NUP188: variants seen among roughly 807,000 people sequenced by gnomAD.
The protein encoded by NUP188 is nucleoporin 188.
NUP188 carries 97 observed loss-of-function variants against 223.0 expected under a neutral mutation model. The ratio of observed to expected loss-of-function variants is 0.43; its 90% confidence interval spans 0.37 to 0.51. NUP188 has a LOEUF of 0.51. Ranked by LOEUF, NUP188 falls within the 20% of genes least tolerant of loss-of-function variation. The pLI is 0.00. For synonymous variants in NUP188, 869 were observed against 828.0 expected (o/e 1.05, Z -0.85); for missense variants, 1,947 against 2,175.6 (o/e 0.89, Z 2.09).
chr9:129,001,309 T>G (rs1842661273), intron 34 of NUP188, among the ~76,000 whole-genome samples: 1 of 151,956 alleles, frequency 6.6e-6, no homozygotes, highest in Admixed American at 6.6e-5. Flanking sequence ...CTGGTCAGTT[T>G]AGGGTTGCTC....
chr9:128,966,762 G>T (rs1352323744), intron 8 of NUP188, among the ~76,000 whole-genome samples: 1 of 152,134 alleles, frequency 6.6e-6, no homozygotes, highest in African/African-American at 2.4e-5. Flanking sequence ...CTTTCTTGGT[G>T]ATTGTACCTG....
At chr9:129,003,099 T>G in intron 37 of NUP188, 124 bp downstream of exon 37, 1 of 1,185,424 alleles carries the variant, frequency 8.4e-7, no homozygotes, top group East Asian at 2.5e-5. Flanking sequence ...GCCTTCATTT[T>G]TGAGATGCTC....
intron 13 of NUP188, 46 bp from the exon 14 acceptor site, chr9:128,980,560 T>C: frequency 6.4e-7 from 1 of 1,570,184 alleles, no homozygotes; most frequent in Non-Finnish European, 8.7e-7. Flanking sequence ...GAGATGTTAA[T>C]TTGTGGATAA....
intron 9 of NUP188, 47 bp downstream of exon 9, chr9:128,968,764 T>C: frequency 7.0e-7 from 1 of 1,425,408 alleles, no homozygotes; most frequent in Non-Finnish European, 9.9e-7. Context: ...GTTTAGAGCA[T>C]TGATACTATA....
intron 12 of NUP188, among the ~76,000 whole-genome samples, chr9:128,974,016 T>C (rs1842137923): frequency 6.6e-6 from 1 of 152,144 alleles, no homozygotes; most frequent in Admixed American, 6.5e-5. Flanking sequence ...GTTCAAGCGA[T>C]TCTTCTGCCT....
chr9:128,957,165 C>A, intron 5 of NUP188, 133 bp downstream of exon 5: 1 of 581,586 alleles, frequency 1.7e-6, no homozygotes, highest in Non-Finnish European at 3.0e-6. Context: ...CAGGGAAGAC[C>A]TACTAAAGGC....
intron 40 of NUP188, 44 bp downstream of exon 40, chr9:129,005,574 T>G: frequency 1.2e-6 from 2 of 1,611,168 alleles, no homozygotes; most frequent in Non-Finnish European, 1.7e-6. Context: ...CTAAAGGCTC[T>G]GCTCTGCTGT....
At chr9:128,987,194 G>C (rs1391797356) in intron 22 of NUP188, among the ~76,000 whole-genome samples, 1 of 150,520 alleles carries the variant, frequency 6.6e-6, no homozygotes, top group African/African-American at 2.4e-5. Context: ...GTTCATTCCT[G>C]ACGAGACACT....
intron 5 of NUP188, 41 bp downstream of exon 5, chr9:128,957,073 T>C (rs1841881789): frequency 8.3e-6 from 11 of 1,332,956 alleles, no homozygotes; most frequent in Admixed American, 8.2e-5. Context: ...GCCTTTATCC[T>C]TTTTCCCTGT....
At chr9:128,960,859 C>T (rs1448746669) in intron 8 of NUP188, among the ~76,000 whole-genome samples, 3 of 151,906 alleles carry the variant, frequency 2.0e-5, no homozygotes, top group Admixed American at 6.6e-5. Context: ...CCAAGGTGGG[C>T]GGATCGCTTG....
At chr9:128,987,080 AGAGAGAGAGTGTGTGTGTGTGTGT>A (rs1564561214) in intron 22 of NUP188, among the ~76,000 whole-genome samples, 1 of 132,298 alleles carries the variant, frequency 7.6e-6, no homozygotes, top group Admixed American at 7.5e-5. Context: ...AGAGAGAGAG[AGAGAGAGAGTGTGTGTGTGTGTGT>A]GTGTGTGTGT....
Position 128,982,547 on chromosome 9 carries a change from AG to A in NUP188, c.1520del. On this transcript the variant is annotated splice_acceptor_variant, in intron 15 of 43. Coordinates refer to ENST00000372577, the MANE Select transcript of NUP188 (RefSeq NM_015354.3). LOFTEE classifies it high-confidence loss of function. ...TTAGACTAATTTATCTTTCTCTCTC[AG>A]GGGGTCAAACCAACCTTCGCATACC... 1 of 1,608,102 alleles carries A rather than the reference AG, an allele frequency of 6.2e-7. No individual in the cohort carries two copies. Among genetic ancestry groups the A allele is most frequent in the Non-Finnish European group, 8.5e-7 (1 of 1,177,974 alleles).
At chr9:128,998,435 T>A in intron 31 of NUP188, 103 bp from the exon 32 acceptor site, 1 of 1,122,774 alleles carries the variant, frequency 8.9e-7, no homozygotes, top group Non-Finnish European at 1.4e-6. Flanking sequence ...TCCACTCCTG[T>A]GAGCTCACTG....
Position 128,998,638 on chromosome 9 carries a change from G to A in NUP188, c.3515+15G>A, listed in dbSNP as rs1564566198. The A allele has an allele frequency of 4.4e-6, 7 of 1,607,560 alleles. No homozygotes were observed. In the African/African-American group the frequency reaches 6.7e-5, roughly 15 times the overall value. The stretch of plus-strand genomic sequence containing the variant: ...CAGTGGAAGAGGTGAGGCTGTGCCA[G>A]GAGAGGCAAGCCCGAGGCCAGAGCC... On this transcript the variant is annotated intron_variant, in intron 32 of 43. Transcript: ENST00000372577.
At chr9:128,966,399 C>T (rs1842031599) in intron 8 of NUP188, among the ~76,000 whole-genome samples, 2 of 150,518 alleles carry the variant, frequency 1.3e-5, no homozygotes, top group African/African-American at 2.4e-5. Context: ...TTTTTTGAGA[C>T]AGGTTCTTTC....
At chr9:128,977,892 T>A (rs1277509729) in intron 12 of NUP188, among the ~76,000 whole-genome samples, 1 of 152,198 alleles carries the variant, frequency 6.6e-6, no homozygotes, top group Non-Finnish European at 1.5e-5. Context: ...GAATTTACAG[T>A]CTACTTCCTC....
intron 41 of NUP188, 125 bp from the exon 42 acceptor site, chr9:129,005,925 A>G: frequency 1.1e-5 from 15 of 1,412,886 alleles, no homozygotes; most frequent in Non-Finnish European, 1.5e-5. Context: ...ACCTCTGAGA[A>G]TTACTGTGAG....
chr9:129,006,323 C>CCTTAGGGA lies in NUP188; in HGVS notation c.5029_5030insTTAGGGAC (p.Pro1677LeufsTer10). On this transcript the variant is annotated frameshift_variant, in exon 43 of 44. Coordinates refer to ENST00000372577, the MANE Select transcript of NUP188 (RefSeq NM_015354.3). LOFTEE classifies it high-confidence loss of function. ...GGTACCTTAGGGACCCGGCTGTGCACCCCCGGGACAAACAGCGGATGAAGC... is the reference window on the plus strand; with the variant it reads ...GGTACCTTAGGGACCCGGCTGTGCACCTTAGGGACCCCGGGACAAACAGCGGATGAAGC... 6.2e-7 allele frequency: 1 copy of CCTTAGGGA among 1,614,172 alleles called. No individual in the cohort carries two copies. The highest frequency in any genetic ancestry group is 8.5e-7 in the Non-Finnish European group (1 of 1,180,034).
At chr9:128,997,979 A>G (rs1842559535) in intron 30 of NUP188, among the ~76,000 whole-genome samples, 172 bp from the exon 31 acceptor site, 1 of 152,094 alleles carries the variant, frequency 6.6e-6, no homozygotes, top group Non-Finnish European at 1.5e-5. Context: ...TCAGCCTCCC[A>G]AAGTGTTAGG....
Sources: allele counts gnomAD v4.1 joint callset (sites outside exome capture counted in the v4.1 genomes callset), GRCh38; gene constraint gnomAD v4.1.1; transcripts MANE v1.5; gene names NCBI Gene and HGNC (gene_info 2026-07-23, HGNC 2026-07-21).